Variants in NOSIP observed in about 807,000 individuals in gnomAD.
NOSIP encodes nitric oxide synthase interacting protein.
In NOSIP, 25 loss-of-function variants were observed where a neutral mutation model predicts 36.4. The ratio of observed to expected loss-of-function variants is 0.69; its 90% CI spans 0.50 to 0.96. The LOEUF (loss-of-function observed/expected upper bound fraction) is 0.96. Among genes scored for constraint, NOSIP ranks in the 40% least tolerant of loss-of-function variants. NOSIP has a pLI of 0.00. For missense variants in NOSIP, 370 were observed against 429.0 expected (o/e 0.86, Z 1.21); for synonymous variants, 187 against 179.2 (o/e 1.04, Z -0.35).
intron 1 of NOSIP, among the ~76,000 whole-genome samples, chr19:49,571,440 G>T (rs2080483023): frequency 6.6e-6 from 1 of 152,118 alleles, no homozygotes; most frequent in South Asian, 2.1e-4. Flanking sequence ...TCTTTGGTAG[G>T]TCCAATTTCA....
At position 49,565,592 on chromosome 19, in the gene NOSIP, AT is replaced by A. The variant is rs561290897; in HGVS notation, c.-1-4901del. 1.6e-4 allele frequency among the ~76,000 whole-genome samples: 25 copies of A among 151,546 alleles called. No homozygotes were observed. The East Asian group carries it at 3.5e-3, about 21-fold the overall frequency. On this transcript the variant is annotated intron_variant, in intron 1 of 8. Transcript: ENST00000596358. ...ATTGAGACCCCATCTCTACAAAAAA[AT>A]ATATATATATAAAAATTTGCTGGGT...
intron 1 of NOSIP, among the ~76,000 whole-genome samples, chr19:49,564,088 A>G (rs1471426817): frequency 6.6e-6 from 1 of 152,162 alleles, no homozygotes; most frequent in Non-Finnish European, 1.5e-5. Context: ...TGACACTGCA[A>G]CACTAAATTA....
rs114505227 is a variant in NOSIP, at chr19:49,565,465, T to C, written c.-1-4773A>G. ...TCTCTGTACATGTTATAAAAAGAAATTGGCTGGGTGCCATGGTGCACGCCT... is the reference window on the plus strand; with the variant it reads ...TCTCTGTACATGTTATAAAAAGAAACTGGCTGGGTGCCATGGTGCACGCCT... On this transcript the variant is annotated intron_variant, in intron 1 of 8. Transcript: ENST00000596358. 4.0e-3 allele frequency among the ~76,000 whole-genome samples: 603 copies of C among 152,012 alleles called. 4 individuals are homozygous for C. The highest frequency in any genetic ancestry group is 0.014 in the African/African-American group (576 of 41,472).
At chr19:49,570,452 G>T (rs1490578029) in intron 1 of NOSIP, among the ~76,000 whole-genome samples, 1 of 152,158 alleles carries the variant, frequency 6.6e-6, no homozygotes, top group African/African-American at 2.4e-5. Context: ...GACCTTTACA[G>T]TTGGATGCGA....
intron 1 of NOSIP, among the ~76,000 whole-genome samples, chr19:49,574,852 T>C (rs956980947): frequency 1.3e-5 from 2 of 150,694 alleles, no homozygotes; most frequent in African/African-American, 4.9e-5. Context: ...TCCACCACCA[T>C]GCCTGGCTAA....
In NOSIP at chr19:49,555,709, C is replaced by A; in HGVS notation, c.*42G>T. 1 of 1,571,942 alleles carries A rather than the reference C, an allele frequency of 6.4e-7. No individual in the cohort carries two copies. Among genetic ancestry groups the A allele is most frequent in the South Asian group, 1.1e-5 (1 of 89,976 alleles). ...CACGCCGCGAATGAAGGCGCCACGT[C>A]GTTGCGCACCCAAGCCGGTTTATTT... is the stretch of plus-strand genomic sequence containing the variant. On this transcript the variant is annotated 3_prime_UTR_variant, in exon 9 of 9. Transcript: ENST00000596358.
At chr19:49,576,884 CAAAAAAAAAAAAAAA>C in intron 1 of NOSIP, among the ~76,000 whole-genome samples, 1 of 47,382 alleles carries the variant, frequency 2.1e-5, no homozygotes, top group East Asian at 5.1e-4. Flanking sequence ...AACTCTGTCT[CAAAAAAAAAAAAAAA>C]AAAAAAAAAA....
chr19:49,567,985 G>GA (rs2080433195), intron 1 of NOSIP, among the ~76,000 whole-genome samples: 1 of 152,006 alleles, frequency 6.6e-6, no homozygotes, highest in South Asian at 2.1e-4. Context: ...ACCAACAAGG[G>GA]ACTAATATGT....
chr19:49,556,231 A>C, intron 8 of NOSIP, 86 bp downstream of exon 8: 3 of 445,822 alleles, frequency 6.7e-6, no homozygotes, highest in Non-Finnish European at 1.2e-5. Flanking sequence ...AGTTGGGGGA[A>C]GGGGAGGGGA....
intron 1 of NOSIP, among the ~76,000 whole-genome samples, chr19:49,577,285 G>A (rs1406845874): frequency 3.9e-5 from 6 of 152,136 alleles, no homozygotes; most frequent in African/African-American, 1.2e-4. Context: ...CAGGCGGGGC[G>A]CGGTGGCTCA....
intron 4 of NOSIP, chr19:49,557,873 G>A: frequency 2.0e-6 from 2 of 987,914 alleles, no homozygotes; most frequent in Non-Finnish European, 2.4e-6. Context: ...AACAGTGACA[G>A]TGATGGATGC....
In NOSIP at chr19:49,555,714, C is replaced by T. The variant is rs572182396; in HGVS notation, c.*37G>A. ...CGCGAATGAAGGCGCCACGTCGTTGCGCACCCAAGCCGGTTTATTTGGTCT... is the reference window on the plus strand; with the variant it reads ...CGCGAATGAAGGCGCCACGTCGTTGTGCACCCAAGCCGGTTTATTTGGTCT... On this transcript the variant is annotated 3_prime_UTR_variant, in exon 9 of 9. Coordinates refer to ENST00000596358, the MANE Select transcript of NOSIP (RefSeq NM_001270960.2). 9.5e-6 allele frequency: 15 copies of T among 1,584,620 alleles called. No homozygotes were observed. Among genetic ancestry groups the T allele is most frequent in the East Asian group, 6.7e-5 (3 of 44,546 alleles).
rs2080498743 is a variant in NOSIP at position 49,572,495 on chromosome 19, C to T, written c.-2+8020G>A. 2.0e-5 allele frequency among the ~76,000 whole-genome samples: 3 copies of T among 149,950 alleles called. No homozygotes were observed. In the South Asian group the frequency reaches 6.4e-4, roughly 32 times the overall value. On this transcript the variant is annotated intron_variant, in intron 1 of 8. Transcript: ENST00000596358. ...TAGTGCAATCTTGGCTCACTGCAAC[C>T]TCCACCTCCAGGGCTCAAGCCATTC...
Position 49,556,679 on chromosome 19 carries a change from G to C in NOSIP, c.595C>G (p.Pro199Ala). The change falls in exon 7 of 9, where the codon CCC (proline) becomes GCC (alanine). Residue 199 changes from proline to alanine, a missense_variant. Physicochemically the swap from Pro to Ala is conservative, Grantham distance 27. Transcript: ENST00000596358. ...CTGTCTAGCGGTGTGAAGTGCACGGGCGTCAGGTCCGACATGCGCAGGGGC... is the reference window on the plus strand; with the variant it reads ...CTGTCTAGCGGTGTGAAGTGCACGGCCGTCAGGTCCGACATGCGCAGGGGC... ...GKPLRMSDLT[P>A]VHFTPLDSSV... is the part of the protein sequence containing the mutation. 6.2e-7 allele frequency: 1 copy of C among 1,611,670 alleles called. No homozygotes were observed. Among genetic ancestry groups the C allele is most frequent in the East Asian group, 2.2e-5 (1 of 44,792 alleles).
intron 1 of NOSIP, among the ~76,000 whole-genome samples, chr19:49,569,153 C>T (rs1415130617): frequency 6.7e-6 from 1 of 149,740 alleles, no homozygotes; most frequent in Non-Finnish European, 1.5e-5. Context: ...AAAACAAGAG[C>T]TCAATACCAT....
At chr19:49,562,666 A>G (rs2080351482) in intron 1 of NOSIP, among the ~76,000 whole-genome samples, 1 of 152,158 alleles carries the variant, frequency 6.6e-6, no homozygotes, top group Admixed American at 6.6e-5. Flanking sequence ...GCGGATCACG[A>G]GATCAAGAGA....
intron 1 of NOSIP, among the ~76,000 whole-genome samples, chr19:49,577,198 A>C (rs1045085182): frequency 3.0e-4 from 45 of 152,200 alleles, no homozygotes; most frequent in African/African-American, 1.0e-3. Flanking sequence ...GAAAAGTCAC[A>C]GTTTCTCAAA....
intron 1 of NOSIP, among the ~76,000 whole-genome samples, chr19:49,565,513 C>T (rs2080394531): frequency 6.6e-6 from 1 of 152,052 alleles, no homozygotes; most frequent in Admixed American, 6.6e-5. Flanking sequence ...CTTCGGGAGG[C>T]TGAAGCTGGA....
At chr19:49,572,595 A>G (rs955937208) in intron 1 of NOSIP, among the ~76,000 whole-genome samples, 1 of 151,364 alleles carries the variant, frequency 6.6e-6, no homozygotes, top group African/African-American at 2.4e-5. Context: ...GTATTTTTAT[A>G]TTTGTATTTT....
Sources: gnomAD v4.1 joint callset for allele counts (sites outside exome capture counted in the v4.1 genomes callset) on GRCh38, gnomAD v4.1.1 for gene constraint, MANE v1.5 for transcripts, NCBI Gene and HGNC (gene_info 2026-07-23, HGNC 2026-07-21) for gene names.